The following PRKCA variants were observed in gnomAD, a reference collection of about 807,000 sequenced individuals.
PRKCA encodes protein kinase C alpha type.
A neutral mutation model predicts 87.0 loss-of-function variants in PRKCA; 27 were observed. That is an observed-to-expected ratio of 0.31 (90% CI 0.23 to 0.43). PRKCA has a LOEUF of 0.43. PRKCA is among the 20% of genes least tolerant of loss of function. PRKCA has a pLI of 1.00. For synonymous variants in PRKCA, 329 were observed against 311.1 expected, an observed-to-expected ratio of 1.06 and a Z score of -0.61; for missense variants, 518 against 852.3, an observed-to-expected ratio of 0.61 and a Z score of 4.88.
intron 3 of PRKCA, among the ~76,000 whole-genome samples, chr17:66,535,609 G>T (rs907307413): frequency 2.0e-5 from 3 of 152,182 alleles, no homozygotes; most frequent in Non-Finnish European, 4.4e-5. Context: ...CTCTCGAGGG[G>T]TTCTGCAGAC....
At chr17:66,744,922 C>T (rs573598506) in intron 13 of PRKCA, among the ~76,000 whole-genome samples, 2 of 152,318 alleles carry the variant, frequency 1.3e-5, no homozygotes, top group Admixed American at 6.5e-5. Flanking sequence ...CCCCATGCAA[C>T]GTAGCATCTT....
intron 2 of PRKCA, among the ~76,000 whole-genome samples, chr17:66,323,679 C>A (rs1284606382): frequency 6.6e-6 from 1 of 152,208 alleles, no homozygotes; most frequent in Non-Finnish European, 1.5e-5. Context: ...GTGGCTCATG[C>A]CTGTAATCCC....
chr17:66,566,479 G>GTTTTTTTTTTTTTTTTTTTTTTTTTTTT (rs368602635), intron 3 of PRKCA, among the ~76,000 whole-genome samples: 1 of 74,704 alleles, frequency 1.3e-5, no homozygotes, highest in Non-Finnish European at 2.8e-5. Flanking sequence ...GTTGTTTTTT[G>GTTTTTTTTTTTTTTTTTTTTTTTTTTTT]GTTTTTTTTT....
At chr17:66,379,421 T>C (rs1191951314) in intron 2 of PRKCA, among the ~76,000 whole-genome samples, 1 of 152,248 alleles carries the variant, frequency 6.6e-6, no homozygotes, top group Non-Finnish European at 1.5e-5. Context: ...TTTCTTCATA[T>C]TCTTTGCCCA....
intron 3 of PRKCA, among the ~76,000 whole-genome samples, chr17:66,527,830 TG>T (rs1248017158): frequency 6.6e-5 from 10 of 152,356 alleles, no homozygotes; most frequent in African/African-American, 2.4e-4. Context: ...GGGTGGGACT[TG>T]ATTTGGTTTA....
At chr17:66,435,199 G>A (rs1338945239) in intron 2 of PRKCA, among the ~76,000 whole-genome samples, 1 of 152,158 alleles carries the variant, frequency 6.6e-6, no homozygotes, top group Non-Finnish European at 1.5e-5. Context: ...TGCATCCAGG[G>A]GTTTCAGCCT....
intron 2 of PRKCA, among the ~76,000 whole-genome samples, chr17:66,410,784 C>T (rs1217357105): frequency 2.0e-5 from 3 of 152,180 alleles, no homozygotes; most frequent in East Asian, 1.9e-4. Flanking sequence ...CCATGTTGGC[C>T]AGACTGGTCT....
chr17:66,329,199 A>G lies in PRKCA; in HGVS notation c.205+23072A>G, dbSNP rs766380807. On this transcript the variant is annotated intron_variant, in intron 2 of 16. Transcript: ENST00000413366. ...TTTTAGGAGGAGAGATCAGCTGGAC[A>G]TGATTTGGAGGTAGAAGGGAGAGGA... 9.9e-5 allele frequency among the ~76,000 whole-genome samples: 15 copies of G among 152,186 alleles called. No homozygotes were observed. In the South Asian group the frequency reaches 1.2e-3, roughly 13 times the overall value.
intron 3 of PRKCA, among the ~76,000 whole-genome samples, chr17:66,574,233 T>C (rs1969159788): frequency 6.6e-6 from 1 of 152,228 alleles, no homozygotes; most frequent in South Asian, 2.1e-4. Flanking sequence ...AAAGACTATA[T>C]TTATAAGGGT....
At chr17:66,662,031 A>G (rs1567962340) in intron 5 of PRKCA, among the ~76,000 whole-genome samples, 1 of 152,232 alleles carries the variant, frequency 6.6e-6, no homozygotes. Flanking sequence ...GCATGCTAAC[A>G]ATGCCTCCAG....
intron 2 of PRKCA, among the ~76,000 whole-genome samples, chr17:66,308,366 T>G (rs138245631): frequency 6.6e-6 from 1 of 151,978 alleles, no homozygotes; most frequent in Non-Finnish European, 1.5e-5. Flanking sequence ...CTTTTAGATT[T>G]CCATCTCCTG....
At chr17:66,786,818 G>A in intron 14 of PRKCA, 49 bp from the exon 15 acceptor site, 2 of 1,512,190 alleles carry the variant, frequency 1.3e-6, no homozygotes, top group African/African-American at 2.7e-5. Flanking sequence ...CCATGTGAAT[G>A]AATTACTCTG....
intron 5 of PRKCA, among the ~76,000 whole-genome samples, chr17:66,681,255 C>T (rs1162378066): frequency 8.5e-5 from 13 of 152,220 alleles, no homozygotes; most frequent in African/African-American, 2.6e-4. Flanking sequence ...GCATCTGGAC[C>T]GTTCTCTGAA....
At chr17:66,798,398 G>C (rs879155717) in intron 16 of PRKCA, among the ~76,000 whole-genome samples, 8 of 109,688 alleles carry the variant, frequency 7.3e-5, no homozygotes, top group Non-Finnish European at 1.3e-4. Context: ...GGTGGTGGTG[G>C]TGGTGGTGAT....
rs892420545 is a variant in PRKCA, at chr17:66,660,611, C to T, written c.529+15100C>T. On this transcript the variant is annotated intron_variant, in intron 5 of 16. Coordinates refer to ENST00000413366, the MANE Select transcript of PRKCA (RefSeq NM_002737.3). The stretch of plus-strand genomic sequence containing the variant: ...TGGGGTTATAAAGGATAAAACCGGC[C>T]GGGCGCGATGGCTCACGCCTGTAAT... Among the ~76,000 whole-genome samples, 10 of 152,174 alleles carry T rather than the reference C, an allele frequency of 6.6e-5. No individual in the cohort carries two copies. The East Asian group carries it at 7.7e-4, about 12-fold the overall frequency.
In PRKCA at chr17:66,808,917, G is replaced by T. The variant is rs1244857639; in HGVS notation, c.*4880G>T. ...GTAGAGATGGGGTTTCACCATGTTGGCCAGGATGGTCTTGAACCCCTGACC... is the reference window on the plus strand; with the variant it reads ...GTAGAGATGGGGTTTCACCATGTTGTCCAGGATGGTCTTGAACCCCTGACC... On this transcript the variant is annotated 3_prime_UTR_variant, in exon 17 of 17. Coordinates refer to ENST00000413366, the MANE Select transcript of PRKCA (RefSeq NM_002737.3). 2 of 152,156 alleles carry T rather than the reference G, an allele frequency of 1.3e-5. No individual in the cohort carries two copies. Among genetic ancestry groups the T allele is most frequent in the East Asian group, 3.9e-4 (2 of 5,186 alleles). 9.4% of individuals were successfully genotyped at this position (152,156 alleles called of 1,614,324 possible).
At chr17:66,442,125 G>A (rs1419220598) in intron 2 of PRKCA, among the ~76,000 whole-genome samples, 7 of 151,382 alleles carry the variant, frequency 4.6e-5, no homozygotes, top group African/African-American at 7.3e-5. Flanking sequence ...GCAGTGGCAC[G>A]ATCTTAACTG....
At chr17:66,542,066 C>T (rs1022845787) in intron 3 of PRKCA, among the ~76,000 whole-genome samples, 1 of 152,108 alleles carries the variant, frequency 6.6e-6, no homozygotes, top group Non-Finnish European at 1.5e-5. Context: ...CTATATAAAG[C>T]CCCAGGGGAG....
chr17:66,631,152 G>A (rs983027960), intron 3 of PRKCA, among the ~76,000 whole-genome samples: 3 of 152,110 alleles, frequency 2.0e-5, no homozygotes, highest in Admixed American at 6.6e-5. Flanking sequence ...TTTTTGTTGT[G>A]GAAAGCCACT....
Sources: allele counts gnomAD v4.1 joint callset (sites outside exome capture counted in the v4.1 genomes callset), GRCh38; gene constraint gnomAD v4.1.1; transcripts MANE v1.5; gene names NCBI Gene and HGNC (gene_info 2026-07-23, HGNC 2026-07-21).